Variants in COBL observed in about 807,000 individuals in gnomAD.
COBL encodes protein cordon-bleu.
COBL carries 51 observed loss-of-function variants against 98.8 expected under a neutral mutation model. The ratio of observed to expected loss-of-function variants is 0.52; its 90% CI spans 0.41 to 0.65. The LOEUF (loss-of-function observed/expected upper bound fraction) is 0.65, where lower values mean the gene tolerates loss of function less well. Among genes scored for constraint, COBL ranks in the 30% least tolerant of loss-of-function variants. The probability of loss-of-function intolerance (pLI) is 0.00; values close to 1 mark genes in which losing one functional copy is unlikely to be tolerated. For synonymous variants in COBL, 634 were observed against 651.7 expected, an observed-to-expected ratio of 0.97 and a Z score of 0.41; for missense variants, 1,617 against 1,617.5, an observed-to-expected ratio of 1.00 and a Z score of 0.01.
In COBL at chr7:51,184,054, C is replaced by CT; in HGVS notation, c.783+47dup. On this transcript the variant is annotated intron_variant, in intron 5 of 12. Transcript: ENST00000265136. ...GGTTGAATGCATGTATTTCAAGAGACTATTTTTTTTACATGATACAAAATC... is the reference window on the plus strand; with the variant it reads ...GGTTGAATGCATGTATTTCAAGAGACTTATTTTTTTTACATGATACAAAATC... 6 of 964,278 alleles carry CT rather than the reference C, an allele frequency of 6.2e-6. No individual in the cohort carries two copies. The South Asian group carries it at 9.9e-5, about 16-fold the overall frequency. 59.7% of individuals were successfully genotyped at this position (964,278 alleles called of 1,614,324 possible).
intron 6 of COBL, among the ~76,000 whole-genome samples, chr7:51,111,604 A>G (rs1666370242): frequency 6.6e-6 from 1 of 152,026 alleles, no homozygotes; most frequent in African/African-American, 2.4e-5. Flanking sequence ...TGTCCTCACG[A>G]CCCATCCATC....
At chr7:51,214,214 C>T (rs1327501973) in intron 2 of COBL, among the ~76,000 whole-genome samples, 2 of 151,428 alleles carry the variant, frequency 1.3e-5, no homozygotes, top group East Asian at 2.0e-4. Flanking sequence ...TGCAGTGAGC[C>T]GAGATTGTGC....
At chr7:51,157,460 C>A (rs899853233) in intron 5 of COBL, among the ~76,000 whole-genome samples, 2 of 152,182 alleles carry the variant, frequency 1.3e-5, no homozygotes, top group Non-Finnish European at 2.9e-5. Flanking sequence ...CTTCTGAGGG[C>A]AGGGGGTTGG....
At position 51,136,310 on chromosome 7, in the gene COBL, A is replaced by G; in HGVS notation, c.805T>C (p.Ser269Pro). 6.2e-7 allele frequency: 1 copy of G among 1,613,176 alleles called. No homozygotes were observed. The highest frequency in any genetic ancestry group is 8.5e-7 in the Non-Finnish European group (1 of 1,179,776). ...NSKGCLTTPN[S>P]PSMHSRSLTL... ...AGAGAACGTGAGTGCATGGATGGGGAGTTGGGGGTCGTTAAACAGCCCTGT... is the reference window on the plus strand; with the variant it reads ...AGAGAACGTGAGTGCATGGATGGGGGGTTGGGGGTCGTTAAACAGCCCTGT... The change falls in exon 6 of 13, where the codon TCC becomes CCC. Residue 269 changes from serine (S) to proline (P), a missense_variant. Physicochemically the swap from Ser to Pro is moderately conservative, Grantham distance 74. Transcript: ENST00000265136.
intron 12 of COBL, chr7:51,021,076 G>A (rs530763826): frequency 6.6e-6 from 1 of 152,262 alleles, no homozygotes; most frequent in South Asian, 2.1e-4. Flanking sequence ...CTAAGGGGAG[G>A]AGGAGCACCT....
chr7:51,125,204 T>G (rs2128994207), intron 6 of COBL, among the ~76,000 whole-genome samples: 1 of 152,258 alleles, frequency 6.6e-6, no homozygotes, highest in Admixed American at 6.5e-5. Context: ...TAAATTAAAA[T>G]GAGGTCATTA....
chr7:51,104,959 G>A (rs1796125206), intron 6 of COBL, among the ~76,000 whole-genome samples: 1 of 152,064 alleles, frequency 6.6e-6, no homozygotes, highest in Admixed American at 6.6e-5. Flanking sequence ...GTAGAGTGGG[G>A]GTCAGCCCAT....
At chr7:51,176,399 T>G (rs1788385582) in intron 5 of COBL, among the ~76,000 whole-genome samples, 1 of 151,750 alleles carries the variant, frequency 6.6e-6, no homozygotes, top group African/African-American at 2.4e-5. Context: ...TATATATGTA[T>G]ACACACACAG....
rs1458955821 is a variant in COBL at position 51,316,793 on chromosome 7, G to C, written c.-160C>G. ...AGCGGCGGAGCGCGGCGGACGGAAG[G>C]GGCTGGAATCGTCTCTAGCGGGCGG... On this transcript the variant is annotated 5_prime_UTR_variant, in exon 1 of 13. Coordinates refer to ENST00000265136, the MANE Select transcript of COBL (RefSeq NM_015198.5). 1.2e-5 allele frequency: 6 copies of C among 515,292 alleles called. No homozygotes were observed. The highest frequency in any genetic ancestry group is 1.0e-4 in the African/African-American group (5 of 49,206). The allele number at this position is 515,292 out of a possible 1,614,324, so 31.9% of individuals were successfully genotyped here. A position where few individuals can be genotyped will look rare whatever the true frequency, so the allele number is the denominator to read the frequency against.
chr7:51,124,815 T>G (rs563583498), intron 6 of COBL, among the ~76,000 whole-genome samples: 2 of 152,276 alleles, frequency 1.3e-5, no homozygotes, highest in East Asian at 3.9e-4. Flanking sequence ...TTTCTTTCTT[T>G]CTTTCTTTAT....
intron 7 of COBL, among the ~76,000 whole-genome samples, chr7:51,048,362 T>A (rs1041933750): frequency 2.1e-4 from 32 of 152,314 alleles, no homozygotes; most frequent in Middle Eastern, 3.4e-3. Flanking sequence ...TGTAATTTTT[T>A]AAATTGTATT....
chr7:51,086,409 G>T (rs1794251988), intron 6 of COBL, among the ~76,000 whole-genome samples: 3 of 141,152 alleles, frequency 2.1e-5, no homozygotes, highest in Admixed American at 7.1e-5. Flanking sequence ...ACTATCATAT[G>T]ACAAGAGCTG....
At chr7:51,105,014 G>A (rs1796131072) in intron 6 of COBL, among the ~76,000 whole-genome samples, 1 of 152,094 alleles carries the variant, frequency 6.6e-6, no homozygotes, top group Non-Finnish European at 1.5e-5. Context: ...AACTTAAGCA[G>A]GGAAGGGGAC....
intron 1 of COBL, among the ~76,000 whole-genome samples, chr7:51,255,637 A>G (rs1797129421): frequency 6.6e-6 from 1 of 152,210 alleles, no homozygotes. Context: ...CACGACTAGG[A>G]AAGTTCTCTG....
chr7:51,177,775 A>AAAAATAAAT (rs370527329), intron 5 of COBL, among the ~76,000 whole-genome samples: 2 of 142,840 alleles, frequency 1.4e-5, no homozygotes, highest in African/African-American at 5.2e-5. Context: ...CTGTCTCAAA[A>AAAAATAAAT]AAATAAATAA....
At chr7:51,274,081 C>A (rs867594060) in intron 1 of COBL, among the ~76,000 whole-genome samples, 1 of 152,174 alleles carries the variant, frequency 6.6e-6, no homozygotes, top group Non-Finnish European at 1.5e-5. Flanking sequence ...ACAGTTCCCC[C>A]CAGTCCATGC....
intron 1 of COBL, among the ~76,000 whole-genome samples, chr7:51,276,839 G>T (rs1799352280): frequency 6.6e-6 from 1 of 152,204 alleles, no homozygotes; most frequent in South Asian, 2.1e-4. Context: ...AGGGTGCCTG[G>T]GCCCAGAAAG....
chr7:51,143,582 G>A (rs1314280775), intron 5 of COBL, among the ~76,000 whole-genome samples: 1 of 152,142 alleles, frequency 6.6e-6, no homozygotes, highest in East Asian at 1.9e-4. Context: ...TGAGAAACTC[G>A]GCTGTAGATG....
At chr7:51,083,095 T>A (rs933782869) in intron 7 of COBL, 1 of 1,533,448 alleles carries the variant, frequency 6.5e-7, no homozygotes, top group Non-Finnish European at 8.7e-7. Context: ...AACCAGCGCC[T>A]TCCCCGGGAA....
Sources: gnomAD v4.1 joint callset for allele counts (sites outside exome capture counted in the v4.1 genomes callset) on GRCh38, gnomAD v4.1.1 for gene constraint, MANE v1.5 for transcripts, NCBI Gene and HGNC (gene_info 2026-07-23, HGNC 2026-07-21) for gene names.